The following CTDSP1 variants were observed in gnomAD, a reference collection of about 807,000 sequenced individuals.
CTDSP1 encodes the protein carboxy-terminal domain RNA polymerase II polypeptide A small phosphatase 1.
CTDSP1 carries 15 observed loss-of-function variants against 32.5 expected under a neutral mutation model. The ratio of observed to expected loss-of-function variants is 0.46; its 90% CI spans 0.31 to 0.71. CTDSP1 has a LOEUF of 0.71. Among genes scored for constraint, CTDSP1 ranks in the 30% least tolerant of loss-of-function variants. CTDSP1 has a pLI of 0.05. For synonymous variants in CTDSP1, 185 were observed against 145.4 expected, an observed-to-expected ratio of 1.27 and a Z score of -1.96; for missense variants, 294 against 351.1, an observed-to-expected ratio of 0.84 and a Z score of 1.30.
At chr2:218,398,576 T>A, upstream of CTDSP1, 2 of 806,686 alleles carry the variant, frequency 2.5e-6, no homozygotes, top group Non-Finnish European at 3.5e-6. Context: ...TCCCTTCCCC[T>A]CCCGGCCCCC....
chr2:218,400,172 G>C lies in CTDSP1; in HGVS notation c.67+15G>C, dbSNP rs867989709. On this transcript the variant is annotated intron_variant, in intron 1 of 6. Coordinates refer to ENST00000273062, the MANE Select transcript of CTDSP1 (RefSeq NM_021198.3). ...GCGGGGCAAAGGTACCGGGGCTGCGGGGAGGGGGCCGAAGCCGGGGCGCCG... is the reference window on the plus strand; with the variant it reads ...GCGGGGCAAAGGTACCGGGGCTGCGCGGAGGGGGCCGAAGCCGGGGCGCCG... 1 of 1,540,204 alleles carries C rather than the reference G, an allele frequency of 6.5e-7. No individual in the cohort carries two copies. Among genetic ancestry groups the C allele is most frequent in the South Asian group, 1.2e-5 (1 of 83,246 alleles).
At chr2:218,396,413 C>G (rs947000563), upstream of CTDSP1, 4 of 152,438 alleles carry the variant, frequency 2.6e-5, no homozygotes, top group African/African-American at 9.6e-5. Flanking sequence ...GAGAGGCCAA[C>G]AGGCCTTTCC....
upstream of CTDSP1, chr2:218,399,699 G>A (rs1697000546): frequency 5.1e-6 from 5 of 983,950 alleles, no homozygotes; most frequent in Non-Finnish European, 6.0e-6. Context: ...GCGGCAGGAA[G>A]GGAGGCGACG....
At chr2:218,398,502 T>TC (rs1161906724), upstream of CTDSP1, 1 of 1,431,740 alleles carries the variant, frequency 7.0e-7, no homozygotes, top group African/African-American at 1.5e-5. Flanking sequence ...GACAGTCCCC[T>TC]CCCGCCCCTA....
In CTDSP1 at chr2:218,403,076, G is replaced by A. The variant is rs752812937; in HGVS notation, c.420G>A (p.Gln140=). 6 of 1,614,160 alleles carry A rather than the reference G, an allele frequency of 3.7e-6. No individual in the cohort carries two copies. Among genetic ancestry groups the A allele is most frequent in the South Asian group, 1.1e-5 (1 of 91,084 alleles). The change falls in exon 5 of 7, where the codon CAG becomes CAA. Residue 140 remains glutamine, a synonymous_variant. Transcript: ENST00000273062. Reference sequence around the variant, plus strand: ...GTCCTCACGTGGATGAGTTCCTGCAGCGAATGGGCGAGCTCTTTGAATGTG... The same window carrying A: ...GTCCTCACGTGGATGAGTTCCTGCAACGAATGGGCGAGCTCTTTGAATGTG... The part of the protein sequence containing the change: ...LKRPHVDEFL[Q]RMGELFECVL...
intron 6 of CTDSP1, 71 bp downstream of exon 6, chr2:218,403,488 C>G (rs1489567630): frequency 1.4e-6 from 2 of 1,386,302 alleles, no homozygotes; most frequent in South Asian, 1.4e-5. Context: ...TTCAGGCCAC[C>G]TTGGCCTCTT....
intron 1 of CTDSP1, chr2:218,400,856 C>T (rs1022533665): frequency 4.4e-6 from 2 of 456,322 alleles, no homozygotes; most frequent in African/African-American, 2.0e-5. Context: ...CTGTCTTCTC[C>T]TTTTCCCCGT....
chr2:218,404,353 C>A lies in CTDSP1; in HGVS notation c.714C>A (p.Leu238=). The stretch of plus-strand genomic sequence containing the variant: ...GTGACACAGAGCTCCACGACCTCCT[C>A]CCCTTCTTCGAGCAACTCAGCCGTG... The part of the protein sequence containing the change: ...NMSDTELHDL[L]PFFEQLSRVD... Residue 238 remains leucine (L), a synonymous_variant, in exon 7 of 7, where the codon CTC becomes CTA. Transcript: ENST00000273062. 1 of 1,614,232 alleles carries A rather than the reference C, an allele frequency of 6.2e-7. No homozygotes were observed. The highest frequency in any genetic ancestry group is 8.5e-7 in the Non-Finnish European group (1 of 1,180,036).
At chr2:218,397,665 A>C (rs971631448), upstream of CTDSP1, among the ~76,000 whole-genome samples, 3 of 152,218 alleles carry the variant, frequency 2.0e-5, no homozygotes, top group Non-Finnish European at 2.9e-5. Context: ...AAACAGACAA[A>C]AAATAGAGTG....
chr2:218,402,187 A>G lies in CTDSP1; in HGVS notation c.293A>G (p.Asp98Gly). 1 of 1,613,584 alleles carries G rather than the reference A, an allele frequency of 6.2e-7. No homozygotes were observed. The highest frequency in any genetic ancestry group is 8.5e-7 in the Non-Finnish European group (1 of 1,179,916). Residue 98 changes from aspartate (D) to glycine (G), a missense_variant, in exon 3 of 7, where the codon GAC becomes GGC. This residue lies in a region of CTDSP1 where 146 missense variants were observed against 237.7 expected (regional missense o/e 0.61). Coordinates refer to ENST00000273062, the MANE Select transcript of CTDSP1 (RefSeq NM_021198.3). Reference protein sequence around the residue: ...SDKICVVIDLDETLVHSSFKP... With the variant: ...SDKICVVIDLGETLVHSSFKP... Reference sequence around the variant, plus strand: ...AAGATCTGCGTGGTCATCGACCTGGACGAGACCCTGGTGCACAGCTCCTTC... The same window carrying G: ...AAGATCTGCGTGGTCATCGACCTGGGCGAGACCCTGGTGCACAGCTCCTTC...
chr2:218,399,797 G>A (rs1025137648), upstream of CTDSP1: 7 of 1,110,552 alleles, frequency 6.3e-6, no homozygotes, highest in East Asian at 4.9e-5. Context: ...AGCCGCAGCC[G>A]AGTCCAGGTC....
At chr2:218,400,776 C>T (rs1481805465) in intron 1 of CTDSP1, 2 of 454,394 alleles carry the variant, frequency 4.4e-6, no homozygotes, top group South Asian at 3.1e-5. Flanking sequence ...TGGGCACGCA[C>T]CACCCCGCAA....
At chr2:218,398,672 A>C, upstream of CTDSP1, 1 of 346,302 alleles carries the variant, frequency 2.9e-6, no homozygotes, top group Non-Finnish European at 5.2e-6. Flanking sequence ...ACGGGACAGG[A>C]CGCGCCCGCC....
At chr2:218,403,758 G>A (rs1157095488) in intron 6 of CTDSP1, 2 of 249,744 alleles carry the variant, frequency 8.0e-6, no homozygotes, top group East Asian at 8.3e-5. Context: ...TTAACAAAAT[G>A]AAATAGAATA....
chr2:218,400,191 G>T, intron 1 of CTDSP1, 34 bp downstream of exon 1: 1 of 1,523,414 alleles, frequency 6.6e-7, no homozygotes, highest in South Asian at 1.2e-5. Context: ...CCGAAGCCGG[G>T]GCGCCGTGGG....
chr2:218,401,430 G>A, intron 1 of CTDSP1, 134 bp from the exon 2 acceptor site: 2 of 987,812 alleles, frequency 2.0e-6, no homozygotes, highest in Non-Finnish European at 3.0e-6. Flanking sequence ...AGAAAGTCAG[G>A]AGCTGCCTTC....
chr2:218,402,249 T>TC, intron 3 of CTDSP1, 34 bp downstream of exon 3: 1 of 1,610,668 alleles, frequency 6.2e-7, no homozygotes, highest in Non-Finnish European at 8.5e-7. Context: ...AGCCCGGGTC[T>TC]CGGGGGGCAT....
chr2:218,398,411 C>A (rs1696930829), upstream of CTDSP1: 1 of 1,535,242 alleles, frequency 6.5e-7, no homozygotes, highest in South Asian at 1.2e-5. Flanking sequence ...TGATGAAGCG[C>A]AATGGTGGCC....
chr2:218,396,992 T>A (rs539754587), upstream of CTDSP1: 198 of 152,618 alleles, frequency 1.3e-3, no homozygotes, highest in Middle Eastern at 3.3e-3. Context: ...GGAAGGGGAC[T>A]GAATCTTGCT....
Sources: allele counts gnomAD v4.1 joint callset (sites outside exome capture counted in the v4.1 genomes callset), GRCh38; gene constraint gnomAD v4.1.1; regional missense constraint gnomAD v4.1.1; transcripts MANE v1.5; gene names NCBI Gene and HGNC (gene_info 2026-07-23, HGNC 2026-07-21).